The following APOBEC4 variants were observed in gnomAD, a reference collection of about 807,000 sequenced individuals.
The protein encoded by APOBEC4 is putative deaminase APOBEC-4.
For synonymous variants in APOBEC4, 141 were observed against 154.2 expected (o/e 0.91, Z 0.63); for missense variants, 375 against 441.2 (o/e 0.85, Z 1.34).
At chr1:183,651,504 G>A (rs1650750006) in intron 1 of APOBEC4, among the ~76,000 whole-genome samples, 1 of 152,086 alleles carries the variant, frequency 6.6e-6, no homozygotes, top group Admixed American at 6.5e-5. Context: ...GAGTTCCTAT[G>A]CTAATCCTAT....
Position 183,647,901 on chromosome 1 carries a change from A to G in APOBEC4, c.881T>C (p.Val294Ala), listed in dbSNP as rs1650418115. Residue 294 changes from valine (V) to alanine (A), a missense_variant, in exon 2 of 2, where the codon GTG becomes GCG. Transcript: ENST00000308641. ...PPDLRAPVVF[V>A]LVPLRDLPPM... ...TGGTAAGTCCCTGAGAGGCACTAGC[A>G]CAAAAACAACAGGAGCCCTGAGGTC... 1 of 1,614,066 alleles carries G rather than the reference A, an allele frequency of 6.2e-7. No individual in the cohort carries two copies. Among genetic ancestry groups the G allele is most frequent in the African/African-American group, 1.3e-5 (1 of 74,914 alleles).
Position 183,651,795 on chromosome 1 carries a change from A to G in APOBEC4, c.-31+1277T>C, listed in dbSNP as rs532626393. Among the ~76,000 whole-genome samples, 113 of 152,280 alleles carry G rather than the reference A, an allele frequency of 7.4e-4. 1 individual carries two copies. Among genetic ancestry groups the G allele is most frequent in the African/African-American group, 2.6e-3 (107 of 41,560 alleles). On this transcript the variant is annotated intron_variant, in intron 1 of 1. Coordinates refer to ENST00000308641, the MANE Select transcript of APOBEC4 (RefSeq NM_203454.3). Reference sequence around the variant, plus strand: ...GCTTTCCTTCTAGAGAGCTGGATTTAACCCTTGGCAGTGGACGATCTCTTG... The same window carrying G: ...GCTTTCCTTCTAGAGAGCTGGATTTGACCCTTGGCAGTGGACGATCTCTTG...
At position 183,647,449 on chromosome 1, in the gene APOBEC4, C is replaced by T; in HGVS notation, c.*229G>A. On this transcript the variant is annotated 3_prime_UTR_variant, in exon 2 of 2. Coordinates refer to ENST00000308641, the MANE Select transcript of APOBEC4 (RefSeq NM_203454.3). ...GCTAATGGTTCCATTTTGATACTGC[C>T]ACTTTCAAAATAAAGGAGAGAGATC... is the stretch of plus-strand genomic sequence containing the variant. The T allele has an allele frequency of 2.1e-6, 1 of 483,508 alleles. No individual in the cohort carries two copies. Among genetic ancestry groups the T allele is most frequent in the Non-Finnish European group, 3.2e-6 (1 of 308,960 alleles). 30.0% of individuals were successfully genotyped at this position (483,508 alleles called of 1,614,324 possible).
Position 183,647,566 on chromosome 1 carries a change from G to T in APOBEC4, c.*112C>A. 1 of 1,440,176 alleles carries T rather than the reference G, an allele frequency of 6.9e-7. No homozygotes were observed. Among genetic ancestry groups the T allele is most frequent in the Non-Finnish European group, 9.2e-7 (1 of 1,091,192 alleles). The allele number at this position is 1,440,176 out of a possible 1,614,324, so 89.2% of individuals were successfully genotyped here. On this transcript the variant is annotated 3_prime_UTR_variant, in exon 2 of 2. Transcript: ENST00000308641. ...AAATAATTCAAGGTTTGCTTTTAGT[G>T]CATCAGTTTATCTCCATCTTGGCTC...
Position 183,648,260 on chromosome 1 carries a change from G to C in APOBEC4, c.522C>G (p.Leu174=). ...GCGGCCATAAGCTGGCCAGGCTCCGGAGAGCTTCGCGGTTCCATGCTGAGG... is the reference window on the plus strand; with the variant it reads ...GCGGCCATAAGCTGGCCAGGCTCCGCAGAGCTTCGCGGTTCCATGCTGAGG... ...FPASAWNREA[L]RSLASLWPRV... is the part of the protein sequence containing the mutation. Residue 174 remains leucine, a synonymous_variant, in exon 2 of 2, where the codon CTC becomes CTG. Transcript: ENST00000308641. 3.1e-6 allele frequency: 5 copies of C among 1,614,188 alleles called. No homozygotes were observed. Among genetic ancestry groups the C allele is most frequent in the Non-Finnish European group, 4.2e-6 (5 of 1,180,028 alleles).
Position 183,647,901 on chromosome 1 carries a change from A to T in APOBEC4, c.881T>A (p.Val294Glu). 10 of 1,614,184 alleles carry T rather than the reference A, an allele frequency of 6.2e-6. No individual in the cohort carries two copies. Among genetic ancestry groups the T allele is most frequent in the Non-Finnish European group, 8.5e-6 (10 of 1,180,038 alleles). Residue 294 changes from valine to glutamate, a missense_variant, in exon 2 of 2, where the codon GTG becomes GAG. Transcript: ENST00000308641. ...TGGTAAGTCCCTGAGAGGCACTAGCACAAAAACAACAGGAGCCCTGAGGTC... is the reference window on the plus strand; with the variant it reads ...TGGTAAGTCCCTGAGAGGCACTAGCTCAAAAACAACAGGAGCCCTGAGGTC... Reference protein sequence around the residue: ...PPDLRAPVVFVLVPLRDLPPM... With the variant: ...PPDLRAPVVFELVPLRDLPPM...
In APOBEC4 at chr1:183,648,237, G is replaced by A. The variant is rs756203206; in HGVS notation, c.545C>T (p.Pro182Leu). Residue 182 changes from proline (P) to leucine (L), a missense_variant, in exon 2 of 2, where the codon CCG (proline) becomes CTG (leucine). Coordinates refer to ENST00000308641, the MANE Select transcript of APOBEC4 (RefSeq NM_203454.3). ...ACTTATTGGACTCAAAACAACCCGC[G>A]GCCATAAGCTGGCCAGGCTCCGGAG... ...EALRSLASLWPRVVLSPISGG... is the reference protein window; with the variant it reads ...EALRSLASLWLRVVLSPISGG... The A allele has an allele frequency of 2.0e-5, 33 of 1,614,012 alleles. No individual in the cohort carries two copies. Among genetic ancestry groups the A allele is most frequent in the Non-Finnish European group, 2.5e-5 (30 of 1,180,036 alleles).
At chr1:183,651,398 A>G (rs1201792081) in intron 1 of APOBEC4, among the ~76,000 whole-genome samples, 1 of 152,202 alleles carries the variant, frequency 6.6e-6, no homozygotes, top group African/African-American at 2.4e-5. Flanking sequence ...GGCCTCTCAT[A>G]TGGAAGTGCT....
Position 183,646,488 on chromosome 1 carries a change from T to A in APOBEC4, c.*1190A>T, listed in dbSNP as rs1394297120. On this transcript the variant is annotated 3_prime_UTR_variant, in exon 2 of 2. Transcript: ENST00000308641. ...AAATGTACATTTTTCTTGTAATGTA[T>A]CTTTACATATTTCAAAGAGGCAAGT... 6.6e-6 allele frequency: 1 copy of A among 152,158 alleles called. No individual in the cohort carries two copies. The highest frequency in any genetic ancestry group is 1.5e-5 in the Non-Finnish European group (1 of 68,026). The allele number at this position is 152,158 out of a possible 1,614,324, so 9.4% of individuals were successfully genotyped here. A position where few individuals can be genotyped will look rare whatever the true frequency, so the allele number is the denominator to read the frequency against.
chr1:183,647,845 G>C lies in APOBEC4; in HGVS notation c.937C>G (p.Pro313Ala). The C allele has an allele frequency of 6.2e-7, 1 of 1,614,164 alleles. No homozygotes were observed. ...TTTAAGTGCCTTACGATATTCCTGG[G>C]TTTATTTGGGTTTTGGCCCATATGC... ...PMHMGQNPNK[P>A]RNIVRHLNMP... The change falls in exon 2 of 2, where the codon CCC (proline) becomes GCC (alanine). Residue 313 changes from proline to alanine, a missense_variant. Coordinates refer to ENST00000308641, the MANE Select transcript of APOBEC4 (RefSeq NM_203454.3).
At chr1:183,650,975 C>T (rs1040107932) in intron 1 of APOBEC4, among the ~76,000 whole-genome samples, 23 of 151,888 alleles carry the variant, frequency 1.5e-4, no homozygotes, top group African/African-American at 5.1e-4. Context: ...CTATTTTTTG[C>T]GTGAAGTTTT....
rs966429565 is a variant in APOBEC4, at chr1:183,646,805, A to G, written c.*873T>C. 1 of 152,222 alleles carries G rather than the reference A, an allele frequency of 6.6e-6. No homozygotes were observed. The highest frequency in any genetic ancestry group is 1.5e-5 in the Non-Finnish European group (1 of 68,030). The allele number at this position is 152,222 out of a possible 1,614,324, so 9.4% of individuals were successfully genotyped here. ...GATGCTGAGTTACAATCATTGGTGA[A>G]GTTATTGAGATGTCATTTCAGCCTT... On this transcript the variant is annotated 3_prime_UTR_variant, in exon 2 of 2. Transcript: ENST00000308641.
At chr1:183,649,515 G>T (rs1399609969) in intron 1 of APOBEC4, among the ~76,000 whole-genome samples, 8 of 152,116 alleles carry the variant, frequency 5.3e-5, no homozygotes, top group African/African-American at 1.7e-4. Context: ...TTGAGACTAG[G>T]ATCATGGGAT....
intron 1 of APOBEC4, among the ~76,000 whole-genome samples, chr1:183,652,332 C>T (rs998559730): frequency 5.3e-5 from 8 of 152,206 alleles, no homozygotes; most frequent in South Asian, 2.1e-4. Flanking sequence ...ATGGAGAGGA[C>T]TGTGGCTTTA....
rs1650463950 is a variant in APOBEC4 at position 183,648,314 on chromosome 1, C to G, written c.468G>C (p.Gln156His). The G allele has an allele frequency of 1.9e-6, 3 of 1,614,136 alleles. No homozygotes were observed. Among genetic ancestry groups the G allele is most frequent in the Non-Finnish European group, 2.5e-6 (3 of 1,180,044 alleles). ...GAAAGTCCATCTCAGTATGATAGAGCTGAGAAAAATAAATACTAAGAGTGA... is the reference window on the plus strand; with the variant it reads ...GAAAGTCCATCTCAGTATGATAGAGGTGAGAAAAATAAATACTAAGAGTGA... ...PGITLSIYFS[Q>H]LYHTEMDFPA... The change falls in exon 2 of 2, where the codon CAG becomes CAC. Residue 156 changes from glutamine (Q) to histidine (H), a missense_variant. By Grantham distance (24) the Gln-to-His change is conservative. Transcript: ENST00000308641.
chr1:183,649,058 G>A (rs1650530055), intron 1 of APOBEC4, among the ~76,000 whole-genome samples: 1 of 152,194 alleles, frequency 6.6e-6, no homozygotes, highest in Non-Finnish European at 1.5e-5. Flanking sequence ...AAGCAAATGA[G>A]TTAACAATGC....
chr1:183,648,517 C>T lies in APOBEC4; in HGVS notation c.265G>A (p.Gly89Arg). The T allele has an allele frequency of 6.2e-7, 1 of 1,614,162 alleles. No individual in the cohort carries two copies. The highest frequency in any genetic ancestry group is 8.5e-7 in the Non-Finnish European group (1 of 1,180,026). The change falls in exon 2 of 2, where the codon GGG (glycine) becomes AGG (arginine). Residue 89 changes from glycine to arginine, a missense_variant. Transcript: ENST00000308641. Reference sequence around the variant, plus strand: ...ATTGATTCTGGATGGATATAATTCCCAGTGCAACTGCTAGCATGGCCCTTT... The same window carrying T: ...ATTGATTCTGGATGGATATAATTCCTAGTGCAACTGCTAGCATGGCCCTTT... ...VQKGHASSCT[G>R]NYIHPESMLF... is the part of the protein sequence containing the mutation.
intron 1 of APOBEC4, among the ~76,000 whole-genome samples, chr1:183,652,378 G>A (rs1473731258): frequency 1.3e-5 from 2 of 152,144 alleles, no homozygotes; most frequent in African/African-American, 4.8e-5. Flanking sequence ...TCTCATTCTT[G>A]CTGACAACTT....
At chr1:183,649,692 A>G (rs1650574226) in intron 1 of APOBEC4, among the ~76,000 whole-genome samples, 1 of 152,210 alleles carries the variant, frequency 6.6e-6, no homozygotes, top group Admixed American at 6.5e-5. Context: ...GTTCTTTAGA[A>G]TATTTCAAAT....
Sources: allele counts gnomAD v4.1 joint callset (sites outside exome capture counted in the v4.1 genomes callset), GRCh38; gene constraint gnomAD v4.1.1; transcripts MANE v1.5; gene names NCBI Gene and HGNC (gene_info 2026-07-23, HGNC 2026-07-21).